The following MLLT10 variants were observed in gnomAD, a reference collection of about 807,000 sequenced individuals.
MLLT10 encodes protein AF-10.
MLLT10 carries 30 observed loss-of-function variants against 129.1 expected under a neutral mutation model. The observed-to-expected ratio is 0.23, with a 90% CI of 0.17 to 0.32. MLLT10 has a LOEUF of 0.32. Ranked by LOEUF, MLLT10 falls within the 10% of genes least tolerant of loss-of-function variation. The probability of loss-of-function intolerance (pLI) is 1.00; values close to 1 mark genes in which losing one functional copy is unlikely to be tolerated. For missense variants in MLLT10, 1,119 were observed against 1,268.3 expected (o/e 0.88, Z 1.79); for synonymous variants, 490 against 446.4 (o/e 1.10, Z -1.23).
At chr10:21,551,306 TTTTTTTTTTTACATAACACAAATAAC>T (rs2036983626) in intron 3 of MLLT10, among the ~76,000 whole-genome samples, 1 of 149,986 alleles carries the variant, frequency 6.7e-6, no homozygotes, top group Non-Finnish European at 1.5e-5. Context: ...TTTTTTTTTT[TTTTTTTTTTTACATAACACAAATAAC>T]TTTTTTATTT....
At chr10:21,540,963 C>T (rs2035040950) in intron 3 of MLLT10, among the ~76,000 whole-genome samples, 2 of 152,012 alleles carry the variant, frequency 1.3e-5, no homozygotes, top group South Asian at 4.2e-4. Context: ...AGTTTGAGAC[C>T]AGCCTGAGCA....
At chr10:21,596,801 ATAT>A (rs1172267049) in intron 5 of MLLT10, among the ~76,000 whole-genome samples, 4 of 151,988 alleles carry the variant, frequency 2.6e-5, no homozygotes, top group Admixed American at 2.0e-4. Flanking sequence ...GTTAGAGATC[ATAT>A]TATTTTGTCT....
chr10:21,539,713 G>A (rs958850156), intron 3 of MLLT10, among the ~76,000 whole-genome samples: 22 of 152,124 alleles, frequency 1.4e-4, no homozygotes, highest in African/African-American at 5.1e-4. Context: ...AGGTTGCAGT[G>A]AGCTGAGATG....
rs1445257720 is a variant in MLLT10, at chr10:21,717,573, CTCT to C, written c.1878+3628_1878+3630del. On this transcript the variant is annotated intron_variant, in intron 14 of 22. Transcript: ENST00000307729. ...TCTTTCTTCTTCTTTCTTCCTCTTC[CTCT>C]TCTTTCTTCCTCTTCCTCTTCTTTC... Among the ~76,000 whole-genome samples the C allele has an allele frequency of 6.4e-4, 70 of 109,468 alleles. No individual in the cohort carries two copies. The South Asian group carries it at 9.6e-3, about 15-fold the overall frequency. 71.8% of individuals were successfully genotyped at this position (109,468 alleles called of 152,430 possible). A position where few individuals can be genotyped will look rare whatever the true frequency, so the allele number is the denominator to read the frequency against.
intron 5 of MLLT10, among the ~76,000 whole-genome samples, chr10:21,609,920 T>C (rs1008039374): frequency 6.6e-5 from 10 of 152,150 alleles, no homozygotes; most frequent in Non-Finnish European, 4.4e-5. Context: ...TTGTGAATTC[T>C]CCATTATTTT....
At chr10:21,684,217 C>T (rs2053048304) in intron 13 of MLLT10, among the ~76,000 whole-genome samples, 1 of 152,028 alleles carries the variant, frequency 6.6e-6, no homozygotes, top group Non-Finnish European at 1.5e-5. Flanking sequence ...TTTATGATTT[C>T]TTTGATTAGT....
In MLLT10 at chr10:21,673,841, A is replaced by C. The variant is rs1467574964; in HGVS notation, c.1543A>C (p.Ser515Arg). ...ASAAGSITSS[S>R]LQKSPTLLRN... ...AGCTGCAGGAAGCATAACAAGCTCT[A>C]GTCTGCAGAAATCTCCTACATTGCT... The change falls in exon 11 of 23, where the codon AGT (serine) becomes CGT (arginine). Residue 515 changes from serine to arginine, a missense_variant. Coordinates refer to ENST00000307729, the MANE Select transcript of MLLT10 (RefSeq NM_001195626.3). 1.9e-6 allele frequency: 3 copies of C among 1,614,050 alleles called. No individual in the cohort carries two copies. The African/African-American group carries it at 4.0e-5, about 22-fold the overall frequency.
intron 15 of MLLT10, 122 bp from the exon 16 acceptor site, chr10:21,727,734 G>A (rs969338635): frequency 7.3e-6 from 5 of 682,870 alleles, no homozygotes; most frequent in African/African-American, 1.8e-5. Flanking sequence ...TTCTATTTTC[G>A]TGGGAACTGC....
chr10:21,680,965 A>C (rs1020587560), intron 11 of MLLT10, among the ~76,000 whole-genome samples: 1 of 152,170 alleles, frequency 6.6e-6, no homozygotes, highest in African/African-American at 2.4e-5. Flanking sequence ...CAAAAAAAAA[A>C]AAAAGATCTA....
intron 13 of MLLT10, 88 bp from the exon 14 acceptor site, chr10:21,713,684 C>T: frequency 8.8e-7 from 1 of 1,136,430 alleles, no homozygotes; most frequent in Non-Finnish European, 1.2e-6. Context: ...AGGAGGGATC[C>T]AGGAGGAAAT....
intron 11 of MLLT10, among the ~76,000 whole-genome samples, chr10:21,674,284 T>TA (rs1395432908): frequency 2.6e-5 from 4 of 152,190 alleles, no homozygotes; most frequent in African/African-American, 4.8e-5. Flanking sequence ...TGAGAGTTTT[T>TA]ACCCTTTGGT....
chr10:21,741,343 T>G (rs1305685315), intron 22 of MLLT10, among the ~76,000 whole-genome samples: 1 of 152,204 alleles, frequency 6.6e-6, no homozygotes, highest in African/African-American at 2.4e-5. Flanking sequence ...TTTTCCTAGG[T>G]TATACAATAT....
chr10:21,713,831 T>A lies in MLLT10; in HGVS notation c.1759T>A (p.Ser587Thr). The A allele has an allele frequency of 6.2e-7, 1 of 1,614,114 alleles. No individual in the cohort carries two copies. The highest frequency in any genetic ancestry group is 8.5e-7 in the Non-Finnish European group (1 of 1,180,000). The change falls in exon 14 of 23, where the codon TCT (serine) becomes ACT (threonine). Residue 587 changes from serine to threonine, a missense_variant. Physicochemically the swap from Ser to Thr is moderately conservative, Grantham distance 58. Around this residue, in one of 5 missense-constraint regions of MLLT10, gnomAD observed 1,004 missense variants for 1,008.7 expected, o/e 1.00. Coordinates refer to ENST00000307729, the MANE Select transcript of MLLT10 (RefSeq NM_001195626.3). ...TCCAAATGTAGTATCTGGCTCGGGA[T>A]CTAGTACTCCTGTCTCCAGCTCTCA... Reference protein sequence around the residue: ...SFPNVVSGSGSSTPVSSSHLP... With the variant: ...SFPNVVSGSGTSTPVSSSHLP...
chr10:21,643,869 A>G (rs1304838098), intron 8 of MLLT10, among the ~76,000 whole-genome samples: 2 of 152,124 alleles, frequency 1.3e-5, no homozygotes, highest in African/African-American at 4.8e-5. Context: ...TCAGGGATAC[A>G]CGTTATCTTA....
At chr10:21,719,196 A>G (rs2056963118) in intron 14 of MLLT10, among the ~76,000 whole-genome samples, 1 of 152,222 alleles carries the variant, frequency 6.6e-6, no homozygotes, top group Non-Finnish European at 1.5e-5. Context: ...GATGATGTCT[A>G]ATAAGGACAC....
chr10:21,678,003 A>G (rs1317483070), intron 11 of MLLT10, among the ~76,000 whole-genome samples: 2 of 152,236 alleles, frequency 1.3e-5, no homozygotes, highest in East Asian at 1.9e-4. Flanking sequence ...TCGTGAGTGT[A>G]TGTCATGTGG....
chr10:21,578,027 C>G (rs781143999), intron 3 of MLLT10, among the ~76,000 whole-genome samples: 1 of 151,986 alleles, frequency 6.6e-6, no homozygotes, highest in Non-Finnish European at 1.5e-5. Context: ...TCCTGAGTAC[C>G]TGGGATTACA....
At chr10:21,679,388 T>C (rs1449727111) in intron 11 of MLLT10, among the ~76,000 whole-genome samples, 1 of 152,232 alleles carries the variant, frequency 6.6e-6, no homozygotes, top group Non-Finnish European at 1.5e-5. Context: ...CTTCACCACA[T>C]TACAAAAATT....
chr10:21,667,319 TTCA>T (rs2050909607), intron 9 of MLLT10, among the ~76,000 whole-genome samples: 1 of 151,758 alleles, frequency 6.6e-6, no homozygotes, highest in Admixed American at 6.6e-5. Context: ...TTTACTTTTC[TTCA>T]TATTTATTTT....
Sources: gnomAD v4.1 joint callset for allele counts (sites outside exome capture counted in the v4.1 genomes callset) on GRCh38, gnomAD v4.1.1 for gene constraint, gnomAD v4.1.1 regional missense constraint, MANE v1.5 for transcripts, NCBI Gene and HGNC (gene_info 2026-07-23, HGNC 2026-07-21) for gene names.